The following KAZN variants were observed in gnomAD, a reference collection of about 807,000 sequenced individuals.
KAZN encodes kazrin, periplakin interacting protein, also known as kazrin.
Under a neutral mutation model 87.4 loss-of-function variants are expected in KAZN, and 40 were observed. The observed-to-expected ratio is 0.46, with a 90% CI of 0.36 to 0.60. KAZN has a LOEUF of 0.60. KAZN is among the 20% of genes least tolerant of loss of function. The pLI, the probability that KAZN is intolerant of heterozygous loss-of-function variation, is 0.00. For missense variants in KAZN, 898 were observed against 1,073.9 expected (o/e 0.84, Z 2.29); for synonymous variants, 466 against 458.3 (o/e 1.02, Z -0.22).
At chr1:14,073,483 G>C (rs1643324852) in intron 1 of KAZN, among the ~76,000 whole-genome samples, 1 of 152,070 alleles carries the variant, frequency 6.6e-6, no homozygotes, top group African/African-American at 2.4e-5. Context: ...CATGTGCCAT[G>C]GTGGTTTGCT....
At chr1:14,950,460 G>A (rs1662346241) in intron 1 of KAZN, among the ~76,000 whole-genome samples, 1 of 152,126 alleles carries the variant, frequency 6.6e-6, no homozygotes, top group Non-Finnish European at 1.5e-5. Flanking sequence ...CCCACAGAGG[G>A]AGTGACGCCA....
chr1:14,360,751 T>C (rs1339898953), intron 2 of KAZN, among the ~76,000 whole-genome samples: 1 of 152,232 alleles, frequency 6.6e-6, no homozygotes, highest in Admixed American at 6.5e-5. Context: ...CCTCTTTGCC[T>C]GGCTATCACC....
intron 1 of KAZN, among the ~76,000 whole-genome samples, chr1:14,755,470 T>C (rs79345627): frequency 0.025 from 3,768 of 152,224 alleles, 73 homozygotes; most frequent in South Asian, 0.081. Flanking sequence ...ATATGTCGTG[T>C]GGTTGTAGAT....
intron 13 of KAZN, chr1:15,111,762 C>G (rs1015345201): frequency 1.3e-5 from 2 of 152,644 alleles, no homozygotes; most frequent in African/African-American, 4.8e-5. Context: ...CAACTCTGTC[C>G]TTATAGCAAC....
chr1:14,082,014 A>C (rs564787775), intron 1 of KAZN, among the ~76,000 whole-genome samples: 79 of 151,908 alleles, frequency 5.2e-4, no homozygotes, highest in African/African-American at 1.8e-3. Context: ...GGCTCAAGTG[A>C]TCCTCCCGTC....
chr1:14,520,948 A>T (rs563464611), intron 2 of KAZN, among the ~76,000 whole-genome samples: 3 of 152,304 alleles, frequency 2.0e-5, no homozygotes, highest in Middle Eastern at 6.8e-3. Context: ...GCATTGTTCT[A>T]TTGGGAAGAA....
intron 1 of KAZN, among the ~76,000 whole-genome samples, chr1:13,895,398 A>G (rs1423001845): frequency 6.6e-6 from 1 of 152,160 alleles, no homozygotes; most frequent in African/African-American, 2.4e-5. Flanking sequence ...CTGCGGCTTC[A>G]TTCACTTTCT....
chr1:14,183,365 C>G (rs369335305), intron 2 of KAZN, among the ~76,000 whole-genome samples: 1 of 152,126 alleles, frequency 6.6e-6, no homozygotes. Flanking sequence ...CCAGAAAGCC[C>G]GCAATTAGGT....
intron 2 of KAZN, among the ~76,000 whole-genome samples, chr1:14,457,301 A>C: frequency 6.6e-6 from 1 of 152,140 alleles, no homozygotes; most frequent in East Asian, 1.9e-4. Flanking sequence ...ATGCATGTTA[A>C]CCCTATAGAG....
At chr1:14,398,202 A>G (rs1001072197) in intron 2 of KAZN, among the ~76,000 whole-genome samples, 3 of 152,252 alleles carry the variant, frequency 2.0e-5, no homozygotes, top group Non-Finnish European at 4.4e-5. Flanking sequence ...TTATGCAACA[A>G]TAGCTAACTG....
At position 14,184,574 on chromosome 1, in the gene KAZN, C is replaced by T. The variant is rs1390270636; in HGVS notation, c.249+3982C>T. Among the ~76,000 whole-genome samples the T allele has an allele frequency of 1.3e-5, 2 of 152,174 alleles. No individual in the cohort carries two copies. The highest frequency in any genetic ancestry group is 2.4e-5 in the African/African-American group (1 of 41,448). On this transcript the variant is annotated intron_variant, in intron 2 of 16. Transcript: ENST00000636203. This position sits in a 1 kb window ranked among gnomAD's most constrained non-coding sequence, Gnocchi z 4.2. The stretch of plus-strand genomic sequence containing the variant: ...GGCAGATCGGGAGCCCTGCCAGGAT[C>T]AGACACTGCATAGGATTTGGGTGGC...
At chr1:14,389,225 A>T (rs1363572076) in intron 2 of KAZN, among the ~76,000 whole-genome samples, 3 of 152,188 alleles carry the variant, frequency 2.0e-5, no homozygotes, top group Non-Finnish European at 4.4e-5. Flanking sequence ...GGATGTTGAG[A>T]AAAAGGAACC....
chr1:14,404,590 T>C (rs1377577367), intron 2 of KAZN, among the ~76,000 whole-genome samples: 1 of 152,134 alleles, frequency 6.6e-6, no homozygotes, highest in African/African-American at 2.4e-5. Context: ...GAGATATGCA[T>C]GAAGATGTTC....
chr1:14,962,885 T>C (rs915559059), intron 2 of KAZN, among the ~76,000 whole-genome samples: 2 of 152,026 alleles, frequency 1.3e-5, no homozygotes, highest in Non-Finnish European at 2.9e-5. Context: ...TACACTACCA[T>C]CCCCAGCTCC....
chr1:14,908,887 C>T (rs1281728840), intron 1 of KAZN, among the ~76,000 whole-genome samples: 4 of 151,190 alleles, frequency 2.6e-5, no homozygotes, highest in Non-Finnish European at 5.9e-5. Context: ...TGGTGGCAGG[C>T]GCCTGTAATC....
At chr1:14,549,288 C>A (rs1198763015) in intron 2 of KAZN, among the ~76,000 whole-genome samples, 1 of 152,160 alleles carries the variant, frequency 6.6e-6, no homozygotes, top group Non-Finnish European at 1.5e-5. Flanking sequence ...GAATTCTATC[C>A]TCTGTACTGT....
At chr1:14,582,321 AG>A (rs1328136325) in intron 2 of KAZN, among the ~76,000 whole-genome samples, 2 of 152,172 alleles carry the variant, frequency 1.3e-5, no homozygotes, top group Non-Finnish European at 2.9e-5. Flanking sequence ...GTGGGCATCA[AG>A]AAGAGCTTCT....
At chr1:14,032,557 A>C (rs776403927) in intron 1 of KAZN, among the ~76,000 whole-genome samples, 2 of 152,142 alleles carry the variant, frequency 1.3e-5, no homozygotes, top group African/African-American at 2.4e-5. Context: ...TCTTGCTGAA[A>C]TGACTGCAGC....
intron 2 of KAZN, among the ~76,000 whole-genome samples, chr1:14,588,021 G>GCCTGTGT (rs1200426213): frequency 1.3e-5 from 2 of 152,182 alleles, no homozygotes; most frequent in Non-Finnish European, 2.9e-5. Context: ...GTGGCCTGTG[G>GCCTGTGT]CTGAGTCTCA....
Sources: allele counts gnomAD v4.1 joint callset (sites outside exome capture counted in the v4.1 genomes callset), GRCh38; gene constraint gnomAD v4.1.1; non-coding constraint Gnocchi (gnomAD v3.1); transcripts MANE v1.5; gene names NCBI Gene and HGNC (gene_info 2026-07-23, HGNC 2026-07-21).